CNGB3: variants seen among roughly 807,000 people sequenced by gnomAD.
The protein encoded by CNGB3 is cyclic nucleotide-gated channel beta-3.
A neutral mutation model predicts 92.8 loss-of-function variants in CNGB3; 86 were observed. The observed-to-expected ratio is 0.93, with a 90% CI of 0.78 to 1.11. The LOEUF (loss-of-function observed/expected upper bound fraction) is 1.11, where lower values mean the gene tolerates loss of function less well. CNGB3 is among the 50% of genes least tolerant of loss of function. The pLI, the probability that CNGB3 is intolerant of heterozygous loss-of-function variation, is 0.00. For missense variants in CNGB3, 1,026 were observed against 956.8 expected, an observed-to-expected ratio of 1.07 and a Z score of -0.95; for synonymous variants, 333 against 332.7, an observed-to-expected ratio of 1.00 and a Z score of -0.01.
Position 86,578,789 on chromosome 8 carries a change from G to A in CNGB3, c.2003C>T (p.Pro668Leu), listed in dbSNP as rs146161333. 4.3e-5 allele frequency: 69 copies of A among 1,613,892 alleles called. No homozygotes were observed. The highest frequency in any genetic ancestry group is 3.3e-4 in the Middle Eastern group (2 of 6,084). ...AAACAGTTTGGGTGTCTCTTCTTTC[G>A]GTGGGAAGAGGAGGGCAAGATCTTT... ...PRKDLALLFP[P>L]KEETPKLFKT... is the part of the protein sequence containing the mutation. The change falls in exon 17 of 18, where the codon CCG becomes CTG. Residue 668 changes from proline (P) to leucine (L), a missense_variant. Pro to Leu is a moderately conservative substitution (Grantham distance 98). Transcript: ENST00000320005.
chr8:86,621,017 G>T (rs75167356), intron 13 of CNGB3, among the ~76,000 whole-genome samples: 6,216 of 152,170 alleles, frequency 0.041, 302 homozygotes, highest in African/African-American at 0.12. Context: ...CACAACATTA[G>T]CAAGATGTGA....
intron 15 of CNGB3, among the ~76,000 whole-genome samples, chr8:86,591,834 C>T (rs1435205790): frequency 1.3e-5 from 2 of 152,314 alleles, no homozygotes; most frequent in South Asian, 4.1e-4. Context: ...CCTACAGAGG[C>T]AGGCAGGCCT....
chr8:86,677,022 C>G (rs889914470), intron 3 of CNGB3, among the ~76,000 whole-genome samples: 1 of 152,050 alleles, frequency 6.6e-6, no homozygotes, highest in Non-Finnish European at 1.5e-5. Flanking sequence ...AGAGAAGAGA[C>G]GCAAGGAGAA....
At chr8:86,713,997 A>G (rs1258736130) in intron 3 of CNGB3, among the ~76,000 whole-genome samples, 1 of 152,102 alleles carries the variant, frequency 6.6e-6, no homozygotes, top group African/African-American at 2.4e-5. Context: ...CTTTGTGACA[A>G]TCGGTACACC....
At chr8:86,627,625 T>C (rs115697219) in intron 12 of CNGB3, among the ~76,000 whole-genome samples, 421 of 152,340 alleles carry the variant, frequency 2.8e-3, no homozygotes, top group African/African-American at 9.5e-3. Context: ...TGAGTTTCAT[T>C]ATTGTCAACT....
chr8:86,703,983 G>A (rs1360127940), intron 3 of CNGB3: 1 of 151,870 alleles, frequency 6.6e-6, no homozygotes, highest in East Asian at 1.9e-4. Context: ...ATTACAGTTG[G>A]CCCATAAATG....
chr8:86,582,994 G>T (rs1243832333), intron 15 of CNGB3, among the ~76,000 whole-genome samples: 2 of 29,810 alleles, frequency 6.7e-5, no homozygotes, highest in Non-Finnish European at 1.4e-4. Flanking sequence ...GGAGTGCAAT[G>T]GTACAATCTT....
chr8:86,593,799 G>A, intron 15 of CNGB3: 1 of 1,335,060 alleles, frequency 7.5e-7, no homozygotes. Context: ...TGGTAGTAGG[G>A]CCGCAGCTTG....
intron 2 of CNGB3, among the ~76,000 whole-genome samples, chr8:86,731,827 C>T (rs1000977022): frequency 2.0e-5 from 3 of 152,100 alleles, no homozygotes; most frequent in African/African-American, 7.2e-5. Flanking sequence ...TTCCATGAGC[C>T]AGACTGGAAT....
intron 3 of CNGB3, among the ~76,000 whole-genome samples, chr8:86,711,246 A>T (rs1217942928): frequency 6.6e-6 from 1 of 151,586 alleles, no homozygotes; most frequent in East Asian, 1.9e-4. Context: ...TATCAGATTA[A>T]CTCTGTTGTT....
chr8:86,596,383 T>G (rs1182502215), intron 15 of CNGB3, among the ~76,000 whole-genome samples: 1 of 152,210 alleles, frequency 6.6e-6, no homozygotes, highest in Non-Finnish European at 1.5e-5. Context: ...TTCCGATTTT[T>G]GGGAATTAAA....
intron 2 of CNGB3, among the ~76,000 whole-genome samples, chr8:86,727,229 A>G (rs113929189): frequency 1.4e-4 from 21 of 152,328 alleles, no homozygotes; most frequent in Admixed American, 4.6e-4. Context: ...TTATGTAATA[A>G]AAGTTCATAA....
At chr8:86,661,431 T>C in intron 6 of CNGB3, 1 of 493,876 alleles carries the variant, frequency 2.0e-6, no homozygotes, top group Non-Finnish European at 3.9e-6. Context: ...AGACCTGTTT[T>C]ATGTTTTATA....
At chr8:86,697,540 T>C (rs866836096) in intron 3 of CNGB3, among the ~76,000 whole-genome samples, 35 of 152,334 alleles carry the variant, frequency 2.3e-4, no homozygotes, top group South Asian at 4.1e-4. Flanking sequence ...GTATGAAAGA[T>C]ATTACAAGAC....
At chr8:86,598,437 C>T (rs990175988) in intron 15 of CNGB3, among the ~76,000 whole-genome samples, 1 of 152,066 alleles carries the variant, frequency 6.6e-6, no homozygotes, top group Non-Finnish European at 1.5e-5. Flanking sequence ...TTTGTTTATC[C>T]CCAGTAAAAT....
At chr8:86,705,541 A>G (rs919109701) in intron 3 of CNGB3, among the ~76,000 whole-genome samples, 4 of 152,042 alleles carry the variant, frequency 2.6e-5, no homozygotes, top group Non-Finnish European at 4.4e-5. Context: ...GGGTGGGCCC[A>G]ATATAATCAT....
intron 11 of CNGB3, among the ~76,000 whole-genome samples, chr8:86,630,968 C>G (rs1037546868): frequency 4.6e-5 from 7 of 152,106 alleles, no homozygotes; most frequent in African/African-American, 1.7e-4. Context: ...GGCTTTTAAA[C>G]TTTTATTTCT....
At position 86,616,995 on chromosome 8, in the gene CNGB3, G is replaced by A. The variant is rs1822633802; in HGVS notation, c.1579-5324C>T. Reference sequence around the variant, plus strand: ...CATGTTGGATGGTAAATAAAAATGGGCTGACATATAGAATGAAGCTGTTAG... The same window carrying A: ...CATGTTGGATGGTAAATAAAAATGGACTGACATATAGAATGAAGCTGTTAG... On this transcript the variant is annotated intron_variant, in intron 13 of 17. Coordinates refer to ENST00000320005, the MANE Select transcript of CNGB3 (RefSeq NM_019098.5). 1.3e-5 allele frequency among the ~76,000 whole-genome samples: 2 copies of A among 152,170 alleles called. 1 individual carries two copies. The highest frequency in any genetic ancestry group is 1.3e-4 in the Admixed American group (2 of 15,282).
At chr8:86,661,871 G>T in intron 6 of CNGB3, 1 of 1,044,502 alleles carries the variant, frequency 9.6e-7, no homozygotes, top group Non-Finnish European at 1.5e-6. Context: ...TCAGATTTGG[G>T]TCATCACAGT....
Sources: allele counts gnomAD v4.1 joint callset (sites outside exome capture counted in the v4.1 genomes callset), GRCh38; gene constraint gnomAD v4.1.1; transcripts MANE v1.5; gene names NCBI Gene and HGNC (gene_info 2026-07-23, HGNC 2026-07-21).